Variants in FBXW8 observed in about 807,000 individuals in gnomAD.
The protein encoded by FBXW8 is F-box/WD repeat-containing protein 8.
In FBXW8, 57 loss-of-function variants were observed where a neutral mutation model predicts 65.3. The ratio of observed to expected loss-of-function variants is 0.87; its 90% CI spans 0.71 to 1.09. FBXW8 has a LOEUF of 1.09. Among genes scored for constraint, FBXW8 ranks in the 50% least tolerant of loss-of-function variants. FBXW8 has a pLI of 0.00. For missense variants in FBXW8, 777 were observed against 814.8 expected, an observed-to-expected ratio of 0.95 and a Z score of 0.57; for synonymous variants, 308 against 330.2, an observed-to-expected ratio of 0.93 and a Z score of 0.73.
At chr12:117,012,088 G>T (rs934580909) in intron 8 of FBXW8, among the ~76,000 whole-genome samples, 2 of 152,032 alleles carry the variant, frequency 1.3e-5, no homozygotes, top group African/African-American at 4.8e-5. Flanking sequence ...AATTGCAGGG[G>T]GTCTTGGAAC....
chr12:116,929,435 A>G (rs940590717), intron 2 of FBXW8, among the ~76,000 whole-genome samples: 6 of 150,714 alleles, frequency 4.0e-5, no homozygotes, highest in Admixed American at 2.6e-4. Flanking sequence ...CGATTTTGTC[A>G]TGTTGGCCAG....
chr12:117,010,593 C>G (rs1033052163), intron 8 of FBXW8, 143 bp downstream of exon 8: 1 of 1,055,012 alleles, frequency 9.5e-7, no homozygotes, highest in African/African-American at 1.6e-5. Context: ...ACACTCTAGA[C>G]TCAGAGAACA....
At chr12:116,964,976 C>G (rs1884226220) in intron 5 of FBXW8, 122 bp downstream of exon 5, 1 of 914,352 alleles carries the variant, frequency 1.1e-6, no homozygotes, top group African/African-American at 1.7e-5. Flanking sequence ...CACACATGTT[C>G]ACACACATAC....
At chr12:116,956,448 A>C (rs1450100610) in intron 4 of FBXW8, among the ~76,000 whole-genome samples, 3 of 152,230 alleles carry the variant, frequency 2.0e-5, no homozygotes, top group Non-Finnish European at 4.4e-5. Flanking sequence ...TTCAGCTGCC[A>C]GACATGGCCT....
intron 7 of FBXW8, among the ~76,000 whole-genome samples, chr12:117,006,947 C>T (rs999716325): frequency 3.9e-5 from 6 of 152,056 alleles, no homozygotes; most frequent in Admixed American, 6.5e-5. Context: ...GGTATTGACA[C>T]GTAGGGAAAA....
Position 116,911,147 on chromosome 12 carries a change from G to C in FBXW8, c.110G>C (p.Arg37Pro), listed in dbSNP as rs1457845394. The change falls in exon 1 of 11, where the codon CGG becomes CCG. Residue 37 changes from arginine to proline, a missense_variant. Physicochemically the swap from Arg to Pro is moderately radical, Grantham distance 103. Coordinates refer to ENST00000652555, the MANE Select transcript of FBXW8 (RefSeq NM_153348.3). Reference protein sequence around the residue: ...RRPEAAERRARRPEVGSGRGE... With the variant: ...RRPEAAERRAPRPEVGSGRGE... The stretch of plus-strand genomic sequence containing the variant: ...CCCGAGGCTGCCGAGAGGCGGGCTC[G>C]GCGGCCGGAGGTGGGCTCCGGGCGC... The C allele has an allele frequency of 2.2e-6, 3 of 1,347,910 alleles. No homozygotes were observed. The African/African-American group carries it at 4.7e-5, about 21-fold the overall frequency. The allele number at this position is 1,347,910 out of a possible 1,614,324, so 83.5% of individuals were successfully genotyped here. A position where few individuals can be genotyped will look rare whatever the true frequency, so the allele number is the denominator to read the frequency against.
rs1954283354 is a variant in FBXW8 at position 117,028,156 on chromosome 12, C to T, written c.1781C>T (p.Pro594Leu). The T allele has an allele frequency of 1.4e-5, 23 of 1,614,132 alleles. No homozygotes were observed. Among genetic ancestry groups the T allele is most frequent in the Non-Finnish European group, 1.9e-5 (23 of 1,180,016 alleles). ...TACTACGACCTCGCACTGGCCTTTC[C>T]CTATAACCATGTTTAGGGATGTGCC... is the stretch of plus-strand genomic sequence containing the variant. Reference protein sequence around the residue: ...THYYDLALAFPYNHV With the variant: ...THYYDLALAFLYNHV Residue 594 changes from proline to leucine, a missense_variant, in exon 11 of 11, where the codon CCC becomes CTC. By Grantham distance (98) the Pro-to-Leu change is moderately conservative (BLOSUM62 -3). Transcript: ENST00000652555. The surrounding 1 kb of genome is among the most constrained non-coding windows in gnomAD (Gnocchi z 4.1).
At chr12:117,021,597 C>T (rs1954099992) in intron 8 of FBXW8, among the ~76,000 whole-genome samples, 1 of 152,194 alleles carries the variant, frequency 6.6e-6, no homozygotes, top group Admixed American at 6.5e-5. Flanking sequence ...TATTTTGCCT[C>T]TAACTGCTGT....
chr12:117,023,750 G>GTGTC (rs1954156148), intron 8 of FBXW8, among the ~76,000 whole-genome samples: 1 of 152,214 alleles, frequency 6.6e-6, no homozygotes, highest in African/African-American at 2.4e-5. Context: ...AGGATCTGGG[G>GTGTC]TGTCTGGCTT....
intron 4 of FBXW8, 112 bp from the exon 5 acceptor site, chr12:116,964,585 T>G (rs2137390465): frequency 1.6e-6 from 2 of 1,284,828 alleles, no homozygotes; most frequent in East Asian, 2.3e-5. Flanking sequence ...CAGCAGTGGC[T>G]CTACACCACC....
Position 117,028,089 on chromosome 12 carries a change from C to G in FBXW8, c.1714C>G (p.Leu572Val), listed in dbSNP as rs1433141584. ...GGACCAGCTGGCCTTCCAGAGCCCT[C>G]TCCCTGTCTGCCGTTCATCCTGTGA... ...AVDQLAFQSP[L>V]PVCRSSCDAM... The change falls in exon 11 of 11, where the codon CTC becomes GTC. Residue 572 changes from leucine (L) to valine (V), a missense_variant. Coordinates refer to ENST00000652555, the MANE Select transcript of FBXW8 (RefSeq NM_153348.3). This position sits in a 1 kb window ranked among gnomAD's most constrained non-coding sequence, Gnocchi z 4.1. 1 of 1,614,158 alleles carries G rather than the reference C, an allele frequency of 6.2e-7. No homozygotes were observed. Among genetic ancestry groups the G allele is most frequent in the Admixed American group, 1.7e-5 (1 of 60,034 alleles).
At chr12:117,004,652 G>A (rs1273059656) in intron 7 of FBXW8, among the ~76,000 whole-genome samples, 1 of 152,184 alleles carries the variant, frequency 6.6e-6, no homozygotes, top group Non-Finnish European at 1.5e-5. Context: ...ACACGTTTCT[G>A]GGTAAGCTCT....
intron 5 of FBXW8, among the ~76,000 whole-genome samples, chr12:116,975,195 A>G (rs886643383): frequency 6.6e-6 from 1 of 152,260 alleles, no homozygotes; most frequent in Non-Finnish European, 1.5e-5. Context: ...GTCGTAGGCA[A>G]GAATCACCAG....
At chr12:117,027,989 G>C in intron 10 of FBXW8, 39 bp from the exon 11 acceptor site, 1 of 1,611,888 alleles carries the variant, frequency 6.2e-7, no homozygotes, top group Non-Finnish European at 8.5e-7. Flanking sequence ...GGGCCAGCGA[G>C]GCAGCCCTGA....
Position 116,916,288 on chromosome 12 carries a change from A to T in FBXW8, c.318+4933A>T, listed in dbSNP as rs191459487. Among the ~76,000 whole-genome samples, 14 of 152,306 alleles carry T rather than the reference A, an allele frequency of 9.2e-5. No homozygotes were observed. The East Asian group carries it at 2.3e-3, about 25-fold the overall frequency. ...CCTTGGTAGATACTGACAGTTTTCCAAAGTAGTTGTACTGGTTTTCTCACT... is the reference window on the plus strand; with the variant it reads ...CCTTGGTAGATACTGACAGTTTTCCTAAGTAGTTGTACTGGTTTTCTCACT... On this transcript the variant is annotated intron_variant, in intron 1 of 10. Transcript: ENST00000652555.
At chr12:116,998,062 G>T (rs1395296480) in intron 7 of FBXW8, among the ~76,000 whole-genome samples, 1 of 152,070 alleles carries the variant, frequency 6.6e-6, no homozygotes, top group Non-Finnish European at 1.5e-5. Context: ...CAGGTGATCC[G>T]CCTTCCTTAG....
intron 7 of FBXW8, among the ~76,000 whole-genome samples, chr12:117,001,725 G>A (rs1210871286): frequency 6.6e-6 from 1 of 152,018 alleles, no homozygotes; most frequent in Admixed American, 6.6e-5. Context: ...CATGAAGGAG[G>A]GTGTAAGGAT....
At chr12:116,923,391 A>G (rs1881057238) in intron 1 of FBXW8, among the ~76,000 whole-genome samples, 1 of 152,190 alleles carries the variant, frequency 6.6e-6, no homozygotes, top group Non-Finnish European at 1.5e-5. Context: ...GCAAGGTTGT[A>G]TGTTATCAAA....
chr12:116,928,040 G>T lies in FBXW8; in HGVS notation c.336G>T (p.Val112=). The T allele has an allele frequency of 6.2e-7, 1 of 1,600,900 alleles. No homozygotes were observed. Among genetic ancestry groups the T allele is most frequent in the Non-Finnish European group, 8.5e-7 (1 of 1,173,218 alleles). ...LIRDLNEMND[V]PFFDIQLPYE... ...CCCCTCAGAATGAAATGAATGATGT[G>T]CCTTTCTTTGATATCCAACTGCCTT... The change falls in exon 2 of 11, where the codon GTG becomes GTT. Residue 112 remains valine (V), a synonymous_variant. Coordinates refer to ENST00000652555, the MANE Select transcript of FBXW8 (RefSeq NM_153348.3).
Sources: allele counts gnomAD v4.1 joint callset (sites outside exome capture counted in the v4.1 genomes callset), GRCh38; gene constraint gnomAD v4.1.1; non-coding constraint Gnocchi (gnomAD v3.1); transcripts MANE v1.5; gene names NCBI Gene and HGNC (gene_info 2026-07-23, HGNC 2026-07-21).